CNKSR2: variants seen among roughly 807,000 people sequenced by gnomAD.
The protein encoded by CNKSR2 is connector enhancer of kinase suppressor of Ras 2.
CNKSR2 carries 14 observed loss-of-function variants against 84.4 expected under a neutral mutation model. That is an observed-to-expected ratio of 0.17 (90% CI 0.11 to 0.26). The LOEUF is 0.26. Among genes scored for constraint, CNKSR2 ranks in the 10% least tolerant of loss-of-function variants. The pLI is 1.00. For missense variants in CNKSR2, 485 were observed against 771.2 expected, an observed-to-expected ratio of 0.63 and a Z score of 4.40; for synonymous variants, 275 against 277.9, an observed-to-expected ratio of 0.99 and a Z score of 0.10.
intron 8 of CNKSR2, among the ~76,000 whole-genome samples, chrX:21,515,666 CA>C (rs1227218269): frequency 9.0e-6 from 1 of 111,301 alleles, no homozygotes; most frequent in Non-Finnish European, 1.9e-5. Flanking sequence ...AGCAAAGTAA[CA>C]AAAATTATTC....
At chrX:21,488,686 G>A (rs1449667929) in intron 5 of CNKSR2, among the ~76,000 whole-genome samples, 1 of 111,640 alleles carries the variant, frequency 9.0e-6, no homozygotes, top group African/African-American at 3.3e-5. Flanking sequence ...ACAGAACATA[G>A]TAAATAAAAA....
chrX:21,594,712 A>C (rs2092441621), intron 15 of CNKSR2: 1 of 213,253 alleles, frequency 4.7e-6, no homozygotes, highest in Non-Finnish European at 8.5e-6. Context: ...TTGAGAATTA[A>C]AGAATTTTCC....
intron 18 of CNKSR2, among the ~76,000 whole-genome samples, chrX:21,604,504 A>G (rs1019124254): frequency 1.8e-5 from 2 of 111,797 alleles, no homozygotes; most frequent in Non-Finnish European, 3.8e-5. Flanking sequence ...TCCATCAAAT[A>G]GTGGGACTAA....
At chrX:21,585,525 A>C (rs1004878386) in intron 13 of CNKSR2, among the ~76,000 whole-genome samples, 9 of 109,587 alleles carry the variant, frequency 8.2e-5, no homozygotes, top group Non-Finnish European at 1.5e-4. Flanking sequence ...AAAGAGTTAA[A>C]GTTGACTCCA....
intron 10 of CNKSR2, among the ~76,000 whole-genome samples, chrX:21,529,495 A>G (rs1014702525): frequency 1.1e-4 from 12 of 111,480 alleles, no homozygotes; most frequent in African/African-American, 3.2e-4. Context: ...GCCATTAAAT[A>G]TAAAGTTAGT....
chrX:21,547,212 C>A (rs1427619489), intron 11 of CNKSR2, among the ~76,000 whole-genome samples: 1 of 109,165 alleles, frequency 9.2e-6, no homozygotes, highest in Non-Finnish European at 1.9e-5. Context: ...CACATGGGTT[C>A]AAAATAAAGG....
At chrX:21,484,928 A>G (rs1367392015) in intron 5 of CNKSR2, among the ~76,000 whole-genome samples, 2 of 111,802 alleles carry the variant, frequency 1.8e-5, no homozygotes, top group East Asian at 5.6e-4. Flanking sequence ...TCACGCCTGT[A>G]ATCTTAGCAC....
chrX:21,467,893 A>G (rs971320412), intron 4 of CNKSR2, among the ~76,000 whole-genome samples: 1 of 111,069 alleles, frequency 9.0e-6, no homozygotes, highest in Non-Finnish European at 1.9e-5. Context: ...CAGCTGGTAG[A>G]AGTTTTTGAA....
chrX:21,592,740 A>ACACAAT (rs2092428457), intron 15 of CNKSR2: 1 of 111,344 alleles, frequency 9.0e-6, no homozygotes, highest in Non-Finnish European at 1.9e-5. Flanking sequence ...ATTACCTAAA[A>ACACAAT]TACCCTCTGC....
chrX:21,640,176 A>G (rs2092687036), intron 20 of CNKSR2, among the ~76,000 whole-genome samples: 1 of 111,881 alleles, frequency 8.9e-6, no homozygotes, highest in Non-Finnish European at 1.9e-5. Flanking sequence ...AGGAATGTGT[A>G]TTAGAAATTA....
intron 13 of CNKSR2, among the ~76,000 whole-genome samples, chrX:21,564,441 C>T (rs181950452): frequency 1.8e-5 from 2 of 111,421 alleles, no homozygotes; most frequent in African/African-American, 3.3e-5. Flanking sequence ...TTAGCAAGAA[C>T]ATTTAATCCA....
At chrX:21,642,179 T>C (rs977128859) in intron 20 of CNKSR2, 1 of 742,554 alleles carries the variant, frequency 1.3e-6, no homozygotes, top group Non-Finnish European at 1.6e-6. Context: ...GCTTTGAAAC[T>C]TACTATGTTT....
chrX:21,392,356 T>C (rs1485238963), intron 1 of CNKSR2, among the ~76,000 whole-genome samples: 8 of 111,841 alleles, frequency 7.2e-5, no homozygotes, highest in South Asian at 3.7e-4. Flanking sequence ...CTGGGTAATA[T>C]ATAAGGAAAA....
At chrX:21,452,811 ATTTTATTTTG>A (rs1372440155) in intron 4 of CNKSR2, among the ~76,000 whole-genome samples, 2 of 100,479 alleles carry the variant, frequency 2.0e-5, no homozygotes, top group Non-Finnish European at 4.0e-5. Flanking sequence ...ATTTTATTTT[ATTTTATTTTG>A]CAGACCCCAT....
intron 20 of CNKSR2, among the ~76,000 whole-genome samples, chrX:21,626,244 T>TAA (rs397895953): frequency 0.044 from 1,805 of 40,853 alleles, 110 homozygotes; most frequent in African/African-American, 0.13. Flanking sequence ...TTCTAGGTGG[T>TAA]AAAAAAAAAA....
At position 21,450,160 on chromosome X, in the gene CNKSR2, G is replaced by C. The variant is rs779793582; in HGVS notation, c.519+9379G>C. Among the ~76,000 whole-genome samples, 6 of 110,753 alleles carry C rather than the reference G, an allele frequency of 5.4e-5. No individual in the cohort carries two copies. The East Asian group carries it at 1.7e-3, about 31-fold the overall frequency. On this transcript the variant is annotated intron_variant, in intron 4 of 21. Coordinates refer to ENST00000379510, the MANE Select transcript of CNKSR2 (RefSeq NM_014927.5). Reference sequence around the variant, plus strand: ...GAATATGACTGGTAGGTTTCAGTGGGGGACAATAAATGACCTTTTGGATTT... The same window carrying C: ...GAATATGACTGGTAGGTTTCAGTGGCGGACAATAAATGACCTTTTGGATTT...
chrX:21,400,425 A>G (rs1205744918), intron 1 of CNKSR2, among the ~76,000 whole-genome samples: 1 of 111,208 alleles, frequency 9.0e-6, no homozygotes, highest in Non-Finnish European at 1.9e-5. Flanking sequence ...ATTTGGTTAT[A>G]CATGATATTT....
intron 1 of CNKSR2, among the ~76,000 whole-genome samples, chrX:21,381,979 A>T (rs2089905488): frequency 9.0e-6 from 1 of 111,344 alleles, no homozygotes; most frequent in Non-Finnish European, 1.9e-5. Flanking sequence ...CAACTCCCCC[A>T]CTAGATGAGT....
At chrX:21,589,266 A>G (rs953310900) in intron 13 of CNKSR2, among the ~76,000 whole-genome samples, 1 of 112,352 alleles carries the variant, frequency 8.9e-6, no homozygotes, top group Non-Finnish European at 1.9e-5. Flanking sequence ...CCGTAGTACT[A>G]TGTTCATTAG....
Sources: allele counts gnomAD v4.1 joint callset (sites outside exome capture counted in the v4.1 genomes callset), GRCh38; gene constraint gnomAD v4.1.1; transcripts MANE v1.5; gene names NCBI Gene and HGNC (gene_info 2026-07-23, HGNC 2026-07-21).